Variants in SLC10A2 observed in about 807,000 individuals in gnomAD.
SLC10A2 encodes the protein solute carrier family 10 member 2.
Under a neutral mutation model 27.1 loss-of-function variants are expected in SLC10A2, and 34 were observed. That is an observed-to-expected ratio of 1.26 (90% confidence interval 0.96 to 1.67). SLC10A2 has a LOEUF of 1.67. SLC10A2 is among the 40% of genes most tolerant of loss of function. The probability of loss-of-function intolerance (pLI) is 0.00; values close to 1 mark genes in which losing one functional copy is unlikely to be tolerated. For missense variants in SLC10A2, 530 were observed against 444.4 expected, an observed-to-expected ratio of 1.19 and a Z score of -1.73; for synonymous variants, 205 against 174.0, an observed-to-expected ratio of 1.18 and a Z score of -1.40.
intron 2 of SLC10A2, among the ~76,000 whole-genome samples, chr13:103,055,255 T>G (rs1231374381): frequency 1.3e-5 from 2 of 152,182 alleles, no homozygotes; most frequent in Non-Finnish European, 2.9e-5. Context: ...ACAAGACACT[T>G]AAAAATGTGG....
intron 5 of SLC10A2, among the ~76,000 whole-genome samples, chr13:103,048,945 A>G (rs979068789): frequency 6.6e-5 from 10 of 152,244 alleles, no homozygotes; most frequent in African/African-American, 2.2e-4. Flanking sequence ...ATGTTTTGAA[A>G]AAGATCACCA....
chr13:103,045,973 C>A lies in SLC10A2; in HGVS notation c.*160G>T. On this transcript the variant is annotated 3_prime_UTR_variant, in exon 6 of 6. Transcript: ENST00000245312. The stretch of plus-strand genomic sequence containing the variant: ...ATATTTGTCCCATTAAAGAATTGGG[C>A]CACCAGTCACTTGGTACTGAAACCA... 1.4e-6 allele frequency: 1 copy of A among 727,756 alleles called. No individual in the cohort carries two copies. The highest frequency in any genetic ancestry group is 2.3e-6 in the Non-Finnish European group (1 of 437,982). 45.1% of individuals were successfully genotyped at this position (727,756 alleles called of 1,614,324 possible).
chr13:103,048,395 A>C (rs1349756521), intron 5 of SLC10A2, among the ~76,000 whole-genome samples: 2 of 145,450 alleles, frequency 1.4e-5, no homozygotes, highest in Non-Finnish European at 3.0e-5. Context: ...TGTCTCAAAA[A>C]AAAAAGAAAA....
chr13:103,054,150 A>C (rs1256119528), intron 2 of SLC10A2, among the ~76,000 whole-genome samples: 1 of 152,006 alleles, frequency 6.6e-6, no homozygotes. Flanking sequence ...TGTTCTTGTG[A>C]TAGTGAGTTC....
At position 103,052,719 on chromosome 13, in the gene SLC10A2, C is replaced by T. The variant is rs916618014; in HGVS notation, c.497-11G>A. 2 of 1,512,942 alleles carry T rather than the reference C, an allele frequency of 1.3e-6. No homozygotes were observed. The highest frequency in any genetic ancestry group is 1.7e-5 in the Admixed American group (1 of 59,820). The allele number at this position is 1,512,942 out of a possible 1,614,324, so 93.7% of individuals were successfully genotyped here. On this transcript the variant is annotated splice_polypyrimidine_tract_variant and intron_variant, in intron 2 of 5. Transcript: ENST00000245312. Reference sequence around the variant, plus strand: ...AAACCAGAGATGTACCTAAAGATGACAGAAGGGCAATGTGATCAGCAGAAC... The same window carrying T: ...AAACCAGAGATGTACCTAAAGATGATAGAAGGGCAATGTGATCAGCAGAAC...
intron 1 of SLC10A2, among the ~76,000 whole-genome samples, chr13:103,060,692 A>G (rs1876089961): frequency 6.6e-6 from 1 of 152,070 alleles, no homozygotes. Context: ...TGCTGTGATC[A>G]TTTATGTTAC....
intron 1 of SLC10A2, among the ~76,000 whole-genome samples, chr13:103,061,755 C>T (rs998392436): frequency 4.6e-5 from 7 of 151,926 alleles, no homozygotes; most frequent in African/African-American, 7.2e-5. Context: ...GATGAACAGA[C>T]GAATAGGTAG....
chr13:103,048,849 A>G (rs866409536), intron 5 of SLC10A2, among the ~76,000 whole-genome samples: 3 of 152,182 alleles, frequency 2.0e-5, no homozygotes, highest in Admixed American at 6.5e-5. Context: ...GCACACACAC[A>G]TCTTCCTTGT....
At chr13:103,059,475 T>C (rs1876038496) in intron 1 of SLC10A2, among the ~76,000 whole-genome samples, 1 of 152,206 alleles carries the variant, frequency 6.6e-6, no homozygotes, top group African/African-American at 2.4e-5. Context: ...TCTGGTGTGA[T>C]GAACAGTAAT....
chr13:103,050,377 G>A (rs1048988138), intron 4 of SLC10A2, among the ~76,000 whole-genome samples: 7 of 152,038 alleles, frequency 4.6e-5, no homozygotes, highest in Admixed American at 1.3e-4. Context: ...CTTCATACAT[G>A]CATCTGTCCC....
intron 5 of SLC10A2, 28 bp downstream of exon 5, chr13:103,049,261 A>G (rs745619843): frequency 1.9e-6 from 3 of 1,612,280 alleles, no homozygotes; most frequent in African/African-American, 2.7e-5. Flanking sequence ...AAAGATTATC[A>G]TGAAATGGGA....
chr13:103,062,805 A>G (rs1251872845), intron 1 of SLC10A2, among the ~76,000 whole-genome samples: 1 of 152,204 alleles, frequency 6.6e-6, no homozygotes. Flanking sequence ...AGTAGGTGGC[A>G]GGGAAGGAAC....
In SLC10A2 at chr13:103,051,332, A is replaced by G; in HGVS notation, c.686T>C (p.Ile229Thr). 3.1e-6 allele frequency: 5 copies of G among 1,614,136 alleles called. No individual in the cohort carries two copies. The highest frequency in any genetic ancestry group is 2.2e-5 in the South Asian group (2 of 91,084). The change falls in exon 4 of 6, where the codon ATA (isoleucine) becomes ACA (threonine). Residue 229 changes from isoleucine (I) to threonine (T), a missense_variant. Ile to Thr is a moderately conservative substitution (Grantham distance 89). Coordinates refer to ENST00000245312, the MANE Select transcript of SLC10A2 (RefSeq NM_000452.3). ...AWIIAPKLWI[I>T]GTIFPVAGYS... ...ACCCGCCACAGGAAATATTGTTCCT[A>G]TAATCCACAGTTTGGGAGCAATGAT...
intron 1 of SLC10A2, among the ~76,000 whole-genome samples, chr13:103,063,585 G>A (rs1036890136): frequency 4.6e-5 from 7 of 152,118 alleles, no homozygotes; most frequent in Admixed American, 3.3e-4. Context: ...AAACTGTTAC[G>A]CAATAGCTCA....
chr13:103,059,690 C>T (rs1453163498), intron 1 of SLC10A2, among the ~76,000 whole-genome samples: 1 of 152,150 alleles, frequency 6.6e-6, no homozygotes, highest in African/African-American at 2.4e-5. Flanking sequence ...AACATTCAAT[C>T]AAAGAACAGC....
chr13:103,047,049 C>A (rs1437639833), intron 5 of SLC10A2, among the ~76,000 whole-genome samples: 1 of 152,140 alleles, frequency 6.6e-6, no homozygotes, highest in Non-Finnish European at 1.5e-5. Flanking sequence ...GTCACAAAGG[C>A]AAGAGGAGGA....
chr13:103,066,145 A>G lies in SLC10A2; in HGVS notation c.105T>C (p.Ser35=), dbSNP rs1348227117. The part of the protein sequence containing the change: ...NFNNILSVVL[S]TVLTILLALV... ...AGGCCAACAGGATGGTCAGCACCGT[A>G]CTTAGGACCACACTTAGGATGTTAT... Residue 35 remains serine (S), a synonymous_variant, in exon 1 of 6, where the codon AGT becomes AGC. Transcript: ENST00000245312. 1 of 1,614,084 alleles carries G rather than the reference A, an allele frequency of 6.2e-7. No individual in the cohort carries two copies.
chr13:103,053,420 A>C (rs1050537863), intron 2 of SLC10A2, among the ~76,000 whole-genome samples: 4 of 152,158 alleles, frequency 2.6e-5, no homozygotes, highest in African/African-American at 7.2e-5. Flanking sequence ...TGGCCAGATA[A>C]AAGAGTCATA....
At chr13:103,063,311 C>G (rs998178120) in intron 1 of SLC10A2, among the ~76,000 whole-genome samples, 6 of 152,058 alleles carry the variant, frequency 3.9e-5, no homozygotes, top group Non-Finnish European at 8.8e-5. Context: ...GGTTTCTTCT[C>G]CCAAGAACCA....
Sources: gnomAD v4.1 joint callset for allele counts (sites outside exome capture counted in the v4.1 genomes callset) on GRCh38, gnomAD v4.1.1 for gene constraint, MANE v1.5 for transcripts, NCBI Gene and HGNC (gene_info 2026-07-23, HGNC 2026-07-21) for gene names.